SLC26A11: variants seen among roughly 807,000 people sequenced by gnomAD.
SLC26A11 encodes the protein sodium-independent sulfate anion transporter.
In SLC26A11, 58 loss-of-function variants were observed where a neutral mutation model predicts 62.2. The ratio of observed to expected loss-of-function variants is 0.93; its 90% CI spans 0.76 to 1.16. The LOEUF (loss-of-function observed/expected upper bound fraction) is 1.16. SLC26A11 is among the 50% of genes most tolerant of loss of function. The pLI, the probability that SLC26A11 is intolerant of heterozygous loss-of-function variation, is 0.00. For synonymous variants in SLC26A11, 411 were observed against 368.9 expected, an observed-to-expected ratio of 1.11 and a Z score of -1.31; for missense variants, 790 against 794.3, an observed-to-expected ratio of 0.99 and a Z score of 0.06.
chr17:80,242,546 C>A (rs1428268849), intron 10 of SLC26A11, among the ~76,000 whole-genome samples: 1 of 152,198 alleles, frequency 6.6e-6, no homozygotes, highest in African/African-American at 2.4e-5. Context: ...GCACCCTGCC[C>A]TGTGCCTCCC....
Position 80,223,466 on chromosome 17 carries a change from T to G in SLC26A11, c.513+129T>G. The G allele has an allele frequency of 1.2e-6, 1 of 862,956 alleles. No individual in the cohort carries two copies. The highest frequency in any genetic ancestry group is 1.4e-5 in the South Asian group (1 of 69,548). 53.5% of individuals were successfully genotyped at this position (862,956 alleles called of 1,614,324 possible). The stretch of plus-strand genomic sequence containing the variant: ...GACGTCTTGCTGTTTCAGATTGTCT[T>G]CCATGGGTCAAGAAGCACGCGGTGC... On this transcript the variant is annotated intron_variant, in intron 5 of 17. Coordinates refer to ENST00000361193, the MANE Select transcript of SLC26A11 (RefSeq NM_001166347.2). This position sits in a 1 kb window ranked among gnomAD's most constrained non-coding sequence, Gnocchi z 4.6.
chr17:80,228,218 C>T lies in SLC26A11; in HGVS notation c.736+258C>T, dbSNP rs866345362. On this transcript the variant is annotated intron_variant, in intron 7 of 17. Coordinates refer to ENST00000361193, the MANE Select transcript of SLC26A11 (RefSeq NM_001166347.2). This position sits in a 1 kb window ranked among gnomAD's most constrained non-coding sequence, Gnocchi z 4.1. The stretch of plus-strand genomic sequence containing the variant: ...TGTGATATTGGCTCACTGCAACCTC[C>T]GCCTCCCAGGTTCATGTGATTCTCC... Among the ~76,000 whole-genome samples the T allele has an allele frequency of 2.0e-5, 3 of 152,154 alleles. No individual in the cohort carries two copies. The highest frequency in any genetic ancestry group is 4.4e-5 in the Non-Finnish European group (3 of 68,042).
Position 80,232,599 on chromosome 17 carries a change from GT to G in SLC26A11, c.737-4325del, listed in dbSNP as rs1440222601. The stretch of plus-strand genomic sequence containing the variant: ...TTTGTGTTCTTGTGTTTAATGGTAT[GT>G]TTTATGGGCAGCATATAGATGGGAT... On this transcript the variant is annotated intron_variant, in intron 7 of 17. Coordinates refer to ENST00000361193, the MANE Select transcript of SLC26A11 (RefSeq NM_001166347.2). 7.2e-5 allele frequency among the ~76,000 whole-genome samples: 11 copies of G among 152,264 alleles called. No individual in the cohort carries two copies. The South Asian group carries it at 8.3e-4, about 11-fold the overall frequency.
intron 16 of SLC26A11, among the ~76,000 whole-genome samples, chr17:80,249,625 G>T (rs1050868264): frequency 1.3e-5 from 2 of 152,196 alleles, no homozygotes; most frequent in Non-Finnish European, 2.9e-5. Context: ...GACAGGTGAG[G>T]CTAGGCGTGG....
chr17:80,227,748 A>T (rs2042449451), intron 6 of SLC26A11, 70 bp from the exon 7 acceptor site: 19 of 1,555,464 alleles, frequency 1.2e-5, no homozygotes. Flanking sequence ...CTTAAGCAGC[A>T]GCAGGATGCT....
rs780393494 is a variant in SLC26A11 at position 80,248,147 on chromosome 17, C to G, written c.1312C>G (p.Leu438Val). ...TCTCCTAGGGCTGGACCTGCTGCCCCTGTGCGTGACCTTCCTGCTGTGCTT... is the reference window on the plus strand; with the variant it reads ...TCTCCTAGGGCTGGACCTGCTGCCCGTGTGCGTGACCTTCCTGCTGTGCTT... Reference protein sequence around the residue: ...WRVKRLDLLPLCVTFLLCFWE... With the variant: ...WRVKRLDLLPVCVTFLLCFWE... The change falls in exon 14 of 18, where the codon CTG (leucine) becomes GTG (valine). Residue 438 changes from leucine (L) to valine (V), a missense_variant. By Grantham distance (32) the Leu-to-Val change is conservative (BLOSUM62 1). Coordinates refer to ENST00000361193, the MANE Select transcript of SLC26A11 (RefSeq NM_001166347.2). 3.7e-6 allele frequency: 6 copies of G among 1,604,670 alleles called. No individual in the cohort carries two copies. The South Asian group carries it at 6.6e-5, about 18-fold the overall frequency.
At position 80,222,602 on chromosome 17, in the gene SLC26A11, G is replaced by A. The variant is rs2042252943; in HGVS notation, c.235-53G>A. On this transcript the variant is annotated intron_variant, in intron 3 of 17. Coordinates refer to ENST00000361193, the MANE Select transcript of SLC26A11 (RefSeq NM_001166347.2). This position sits in a 1 kb window ranked among gnomAD's most constrained non-coding sequence, Gnocchi z 4.7. ...CGAGCTTGGACACGCACACTAGGGA[G>A]CTGGTGGATGGGCCTCGGCCTCCTG... is the stretch of plus-strand genomic sequence containing the variant. 6.4e-7 allele frequency: 1 copy of A among 1,562,248 alleles called. No individual in the cohort carries two copies. The highest frequency in any genetic ancestry group is 1.3e-5 in the African/African-American group (1 of 74,186).
intron 5 of SLC26A11, among the ~76,000 whole-genome samples, chr17:80,224,282 TGTGTGAGTGAGTGTGC>T (rs1567943752): frequency 1.4e-5 from 2 of 147,124 alleles, no homozygotes; most frequent in East Asian, 4.0e-4. Context: ...AGTGAGTGCG[TGTGTGAGTGAGTGTGC>T]GTGTGTGTGT....
At chr17:80,240,221 G>T (rs1464768090) in intron 9 of SLC26A11, among the ~76,000 whole-genome samples, 1 of 151,902 alleles carries the variant, frequency 6.6e-6, no homozygotes, top group Non-Finnish European at 1.5e-5. Context: ...CAAAAAATTA[G>T]CCAGGCGTGG....
intron 13 of SLC26A11, among the ~76,000 whole-genome samples, chr17:80,247,085 T>A (rs1161886512): frequency 1.3e-5 from 2 of 151,836 alleles, no homozygotes; most frequent in East Asian, 3.9e-4. Flanking sequence ...ATTTTTATTT[T>A]TTTTTATTGA....
At position 80,234,008 on chromosome 17, in the gene SLC26A11, TA is replaced by T. The variant is rs767057986; in HGVS notation, c.737-2919del. Among the ~76,000 whole-genome samples, 34 of 152,282 alleles carry T rather than the reference TA, an allele frequency of 2.2e-4. No individual in the cohort carries two copies. The East Asian group carries it at 2.9e-3, about 13-fold the overall frequency. On this transcript the variant is annotated intron_variant, in intron 7 of 17. Transcript: ENST00000361193. Reference sequence around the variant, plus strand: ...TACTTTTTAAAAAAAAGTTATTTATTATTTTTTTTATTTTGAGACAGTGTCT... The same window carrying T: ...TACTTTTTAAAAAAAAGTTATTTATTTTTTTTTTATTTTGAGACAGTGTCT...
Position 80,222,341 on chromosome 17 carries a change from C to A in SLC26A11, c.235-314C>A, listed in dbSNP as rs61532361. On this transcript the variant is annotated intron_variant, in intron 3 of 17. Coordinates refer to ENST00000361193, the MANE Select transcript of SLC26A11 (RefSeq NM_001166347.2). The surrounding 1 kb of genome is among the most constrained non-coding windows in gnomAD (Gnocchi z 4.7). ...CAGTGAGCCGAGACTGTGCCACTGC[C>A]CTCCAGCCTGGGCGACAGAGCGAGA... 5,787 of 262,084 alleles carry A rather than the reference C, an allele frequency of 0.022. 365 individuals carry two copies. The highest frequency in any genetic ancestry group is 0.12 in the African/African-American group (5,408 of 44,062). The allele number at this position is 262,084 out of a possible 1,614,324, so 16.2% of individuals were successfully genotyped here.
intron 9 of SLC26A11, among the ~76,000 whole-genome samples, chr17:80,238,633 C>T (rs991982935): frequency 1.7e-4 from 26 of 152,084 alleles, no homozygotes; most frequent in Non-Finnish European, 2.9e-5. Flanking sequence ...TCTGTCTTGT[C>T]ACCGTCATTT....
chr17:80,245,664 C>T (rs2042974820), intron 11 of SLC26A11, among the ~76,000 whole-genome samples: 1 of 152,200 alleles, frequency 6.6e-6, no homozygotes, highest in Non-Finnish European at 1.5e-5. Context: ...CCTCCTAGCT[C>T]CTGGTGCCAG....
At position 80,252,322 on chromosome 17, in the gene SLC26A11, ATGT is replaced by A. The variant is rs1485825321; in HGVS notation, c.1730-296_1730-294del. Among the ~76,000 whole-genome samples, 3 of 152,120 alleles carry A rather than the reference ATGT, an allele frequency of 2.0e-5. No homozygotes were observed. Among genetic ancestry groups the A allele is most frequent in the South Asian group, 4.1e-4 (2 of 4,826 alleles). On this transcript the variant is annotated intron_variant, in intron 17 of 17. Transcript: ENST00000361193. The surrounding 1 kb of genome is among the most constrained non-coding windows in gnomAD (Gnocchi z 5.2). ...AATGTGACGTCAGGGAGATTCACCC[ATGT>A]TGTTGTAGAATCAGCTCAGATGCAG...
At chr17:80,249,698 G>A (rs952660845) in intron 16 of SLC26A11, among the ~76,000 whole-genome samples, 1 of 152,166 alleles carries the variant, frequency 6.6e-6, no homozygotes, top group African/African-American at 2.4e-5. Flanking sequence ...CTGAGGTCAG[G>A]AGTTCAAGAC....
intron 7 of SLC26A11, among the ~76,000 whole-genome samples, chr17:80,235,595 G>C (rs1386545512): frequency 6.6e-6 from 1 of 152,206 alleles, no homozygotes; most frequent in Non-Finnish European, 1.5e-5. Flanking sequence ...GGCTCAAGCA[G>C]TCCTCCTGTC....
chr17:80,225,808 C>T (rs371699166), intron 5 of SLC26A11, 29 bp from the exon 6 acceptor site: 3 of 1,605,366 alleles, frequency 1.9e-6, no homozygotes, highest in African/African-American at 2.7e-5. Context: ...GGAGCATAGC[C>T]TCTGATCAGC....
Position 80,236,993 on chromosome 17 carries a change from C to G in SLC26A11, c.802C>G (p.Gln268Glu). Residue 268 changes from glutamine (Q) to glutamate (E), a missense_variant, in exon 8 of 18, where the codon CAG becomes GAG. Physicochemically the swap from Gln to Glu is conservative, Grantham distance 29. Coordinates refer to ENST00000361193, the MANE Select transcript of SLC26A11 (RefSeq NM_001166347.2). ...GTACTCCTTCGAGGTGACTGGATAC[C>G]AGCCTTTCATCCTAACAGGGGAGAC... ...VAYSFEVTGY[Q>E]PFILTGETAE... 6.2e-7 allele frequency: 1 copy of G among 1,614,108 alleles called. No individual in the cohort carries two copies. Among genetic ancestry groups the G allele is most frequent in the Middle Eastern group, 1.7e-4 (1 of 6,060 alleles).
Sources: allele counts gnomAD v4.1 joint callset (sites outside exome capture counted in the v4.1 genomes callset), GRCh38; gene constraint gnomAD v4.1.1; non-coding constraint Gnocchi (gnomAD v3.1); transcripts MANE v1.5; gene names NCBI Gene and HGNC (gene_info 2026-07-23, HGNC 2026-07-21).